The following HNRNPLL variants were observed in gnomAD, a reference collection of about 807,000 sequenced individuals.
HNRNPLL encodes the protein heterogeneous nuclear ribonucleoprotein L like.
In HNRNPLL, 25 loss-of-function variants were observed where a neutral mutation model predicts 67.1. The observed-to-expected ratio is 0.37, with a 90% CI of 0.27 to 0.52. The LOEUF is 0.52. HNRNPLL is among the 20% of genes least tolerant of loss of function. The probability of loss-of-function intolerance (pLI) is 0.90; values close to 1 mark genes in which losing one functional copy is unlikely to be tolerated. For missense variants in HNRNPLL, 542 were observed against 673.9 expected, an observed-to-expected ratio of 0.80 and a Z score of 2.17; for synonymous variants, 267 against 241.7, an observed-to-expected ratio of 1.10 and a Z score of -0.97.
chr2:38,599,557 C>T (rs541969457), intron 1 of HNRNPLL, among the ~76,000 whole-genome samples: 35 of 152,108 alleles, frequency 2.3e-4, no homozygotes, highest in African/African-American at 8.2e-4. Flanking sequence ...ATGTGAAAAA[C>T]CCTAGGAGTT....
At chr2:38,570,409 A>T (rs1444513958) in intron 8 of HNRNPLL, among the ~76,000 whole-genome samples, 2 of 152,224 alleles carry the variant, frequency 1.3e-5, no homozygotes, top group East Asian at 3.8e-4. Context: ...AAAAGTAAAC[A>T]AATAGTAAGT....
At chr2:38,566,495 C>T (rs1431428167) in intron 12 of HNRNPLL, among the ~76,000 whole-genome samples, 2 of 151,738 alleles carry the variant, frequency 1.3e-5, no homozygotes, top group East Asian at 3.9e-4. Context: ...TTTCATCTAT[C>T]ATACTGGTAA....
At chr2:38,591,897 A>C (rs1406397717) in intron 1 of HNRNPLL, among the ~76,000 whole-genome samples, 2 of 152,064 alleles carry the variant, frequency 1.3e-5, no homozygotes, top group Non-Finnish European at 2.9e-5. Context: ...AACGGCTTGA[A>C]TCCGGGAGGT....
rs761981240 is a variant in HNRNPLL at position 38,602,422 on chromosome 2, G to A, written c.189+16C>T. On this transcript the variant is annotated intron_variant, in intron 1 of 12. Transcript: ENST00000449105. ...AGCAGCCAGGCACAGCGGACAGGGG[G>A]GCCGCGCTTTGTTACCGGCTGAGAG... The A allele has an allele frequency of 2.6e-6, 4 of 1,544,160 alleles. No individual in the cohort carries two copies. The highest frequency in any genetic ancestry group is 3.8e-5 in the Admixed American group (2 of 52,266).
At position 38,568,434 on chromosome 2, in the gene HNRNPLL, C is replaced by A; in HGVS notation, c.1426G>T (p.Asp476Tyr). 3 of 1,588,400 alleles carry A rather than the reference C, an allele frequency of 1.9e-6. No individual in the cohort carries two copies. The South Asian group carries it at 3.4e-5, about 18-fold the overall frequency. Residue 476 changes from aspartate to tyrosine, a missense_variant, in exon 11 of 13, where the codon GAC (aspartate) becomes TAC (tyrosine). This residue lies in a region of HNRNPLL where 415 missense variants were observed against 575.2 expected (regional missense o/e 0.72). Coordinates refer to ENST00000449105, the MANE Select transcript of HNRNPLL (RefSeq NM_138394.4). ...TTGATGAATGTAAGAACTTCATGGT[C>A]ATTACACAACTGTCAAAGAAAGTAA... ...TEETFTKLCN[D>Y]HEVLTFIKYK...
intron 6 of HNRNPLL, among the ~76,000 whole-genome samples, chr2:38,579,868 TGGTCTCGC>T (rs1666454179): frequency 6.6e-6 from 1 of 152,172 alleles, no homozygotes; most frequent in African/African-American, 2.4e-5. Context: ...TAAACTGTTA[TGGTCTCGC>T]AAGACAAATA....
intron 1 of HNRNPLL, among the ~76,000 whole-genome samples, chr2:38,595,745 G>A (rs1667161502): frequency 6.6e-6 from 1 of 152,204 alleles, no homozygotes; most frequent in Admixed American, 6.5e-5. Context: ...TTGGAAGGCT[G>A]AGGCAGGAGA....
intron 8 of HNRNPLL, among the ~76,000 whole-genome samples, chr2:38,570,493 T>A (rs562958205): frequency 6.6e-6 from 1 of 152,330 alleles, no homozygotes; most frequent in East Asian, 1.9e-4. Flanking sequence ...AGCCTTGAGA[T>A]AGCATGGTCA....
intron 9 of HNRNPLL, 152 bp from the exon 10 acceptor site, chr2:38,569,486 T>C: frequency 1.6e-6 from 1 of 607,016 alleles, no homozygotes; most frequent in Non-Finnish European, 2.9e-6. Context: ...GTTTGGGTTA[T>C]AATCAATCAC....
Position 38,602,496 on chromosome 2 carries a change from TC to T in HNRNPLL, c.130del (p.Glu44LysfsTer62). On this transcript the variant is annotated frameshift_variant, in exon 1 of 13. Transcript: ENST00000449105. LOFTEE classifies it high-confidence loss of function. ...ATCGCCCCCGCCCCGGGGCGTCGCT[TC>T]CCGGCGGTTCTCGCCTTCCTCGGCC... is the stretch of plus-strand genomic sequence containing the variant. ...YSAEEGENRR[E>X]ATPRGGGDGG... The T allele has an allele frequency of 6.5e-7, 1 of 1,546,990 alleles. No homozygotes were observed. The highest frequency in any genetic ancestry group is 8.7e-7 in the Non-Finnish European group (1 of 1,148,082).
intron 2 of HNRNPLL, among the ~76,000 whole-genome samples, chr2:38,587,299 A>G (rs564567529): frequency 6.6e-6 from 1 of 152,364 alleles, no homozygotes; most frequent in Admixed American, 6.5e-5. Context: ...TACTACATAC[A>G]AACTCTAAGC....
intron 1 of HNRNPLL, among the ~76,000 whole-genome samples, chr2:38,597,139 G>C (rs1215405474): frequency 5.9e-5 from 9 of 152,142 alleles, no homozygotes; most frequent in African/African-American, 2.2e-4. Context: ...GAGAAGAAAA[G>C]CTCAGTACAG....
chr2:38,576,942 A>G (rs1666321687), intron 7 of HNRNPLL, among the ~76,000 whole-genome samples: 1 of 151,960 alleles, frequency 6.6e-6, no homozygotes, highest in East Asian at 1.9e-4. Flanking sequence ...TTATCAACAT[A>G]GCAAAAAGTA....
intron 12 of HNRNPLL, among the ~76,000 whole-genome samples, chr2:38,567,610 T>C (rs1212763992): frequency 1.7e-4 from 26 of 152,176 alleles, no homozygotes; most frequent in Admixed American, 1.7e-3. Flanking sequence ...AGCTTGAAGG[T>C]GATTCCAACC....
intron 2 of HNRNPLL, among the ~76,000 whole-genome samples, chr2:38,590,670 G>C (rs1438327976): frequency 6.6e-6 from 1 of 152,126 alleles, no homozygotes; most frequent in Non-Finnish European, 1.5e-5. Flanking sequence ...GGGGGAGCCT[G>C]CGTGAATACA....
chr2:38,589,050 A>C (rs1488456961), intron 2 of HNRNPLL, among the ~76,000 whole-genome samples: 1 of 152,218 alleles, frequency 6.6e-6, no homozygotes, highest in African/African-American at 2.4e-5. Flanking sequence ...TTGTATTGTA[A>C]AACTAATCAT....
chr2:38,566,366 CA>C (rs71402234), intron 12 of HNRNPLL, among the ~76,000 whole-genome samples: 176 of 59,462 alleles, frequency 3.0e-3, no homozygotes, highest in African/African-American at 8.3e-3. Context: ...AGACTCGTCT[CA>C]AAAAAAAAAA....
intron 8 of HNRNPLL, among the ~76,000 whole-genome samples, chr2:38,570,680 C>A (rs1666043266): frequency 6.6e-6 from 1 of 152,122 alleles, no homozygotes; most frequent in African/African-American, 2.4e-5. Flanking sequence ...CCCTAAGTGG[C>A]TATTAAGTAC....
chr2:38,588,075 A>G (rs1666804926), intron 2 of HNRNPLL, among the ~76,000 whole-genome samples: 1 of 152,182 alleles, frequency 6.6e-6, no homozygotes, highest in Non-Finnish European at 1.5e-5. Context: ...CCCCAGAAGC[A>G]GAAGACTGTA....
Sources: allele counts gnomAD v4.1 joint callset (sites outside exome capture counted in the v4.1 genomes callset), GRCh38; gene constraint gnomAD v4.1.1; regional missense constraint gnomAD v4.1.1; transcripts MANE v1.5; gene names NCBI Gene and HGNC (gene_info 2026-07-23, HGNC 2026-07-21).